TERB1: variants seen among roughly 807,000 people sequenced by gnomAD.
TERB1 encodes telomere repeat binding bouquet formation protein 1.
A neutral mutation model predicts 92.3 loss-of-function variants in TERB1; 63 were observed. That is an observed-to-expected ratio of 0.68 (90% CI 0.56 to 0.84). The LOEUF is 0.84. Ranked by LOEUF, TERB1 falls within the 40% of genes least tolerant of loss-of-function variation. The pLI is 0.00. For synonymous variants in TERB1, 252 were observed against 283.9 expected, an observed-to-expected ratio of 0.89 and a Z score of 1.13; for missense variants, 709 against 843.7, an observed-to-expected ratio of 0.84 and a Z score of 1.98.
At chr16:66,769,378 T>C (rs2018404896) in intron 14 of TERB1, among the ~76,000 whole-genome samples, 1 of 152,106 alleles carries the variant, frequency 6.6e-6, no homozygotes, top group East Asian at 1.9e-4. Context: ...AGCATCCTCT[T>C]CATTTTTCCC....
chr16:66,793,632 C>T (rs1288085424), intron 3 of TERB1, among the ~76,000 whole-genome samples: 1 of 152,222 alleles, frequency 6.6e-6, no homozygotes, highest in Non-Finnish European at 1.5e-5. Flanking sequence ...CCACCTCAGC[C>T]TCCCAAGGAG....
At position 66,766,373 on chromosome 16, in the gene TERB1, A is replaced by T. The variant is rs557450403; in HGVS notation, c.1780+1042T>A. Among the ~76,000 whole-genome samples the T allele has an allele frequency of 3.1e-4, 47 of 152,278 alleles. 1 individual carries two copies. The South Asian group carries it at 9.7e-3, about 32-fold the overall frequency. ...CTTCATCCAAGAGGGAAGAACAATG[A>T]TGTTCTGAGCCGAATATAGAGAACC... On this transcript the variant is annotated intron_variant, in intron 16 of 18. Coordinates refer to ENST00000433154, the MANE Select transcript of TERB1 (RefSeq NM_001136505.2).
intron 9 of TERB1, among the ~76,000 whole-genome samples, chr16:66,783,744 G>C (rs1274093071): frequency 6.6e-6 from 1 of 152,088 alleles, no homozygotes; most frequent in African/African-American, 2.4e-5. Flanking sequence ...TTGTTGTTTA[G>C]AAGTGGGTTC....
At chr16:66,784,530 C>T (rs1392500149) in intron 9 of TERB1, among the ~76,000 whole-genome samples, 4 of 151,798 alleles carry the variant, frequency 2.6e-5, no homozygotes, top group African/African-American at 2.4e-5. Flanking sequence ...GACAAGGTTT[C>T]GTCACATTGG....
Position 66,772,721 on chromosome 16 carries a change from T to A in TERB1, c.1140A>T (p.Glu380Asp). 1 of 1,547,636 alleles carries A rather than the reference T, an allele frequency of 6.5e-7. No individual in the cohort carries two copies. Among genetic ancestry groups the A allele is most frequent in the Non-Finnish European group, 8.7e-7 (1 of 1,144,944 alleles). Residue 380 changes from glutamate (E) to aspartate (D), a missense_variant, in exon 13 of 19, where the codon GAA becomes GAT. Coordinates refer to ENST00000433154, the MANE Select transcript of TERB1 (RefSeq NM_001136505.2). ...GTGTTTCATTTTCATCAAAAGGATA[T>A]TCTCCTAGACTTAGAGATAATTTCT... The part of the protein sequence containing the change: ...ITEKLSLSLG[E>D]YPFDENETQQ...
At chr16:66,762,481 C>T (rs908685841) in intron 16 of TERB1, among the ~76,000 whole-genome samples, 2 of 150,842 alleles carry the variant, frequency 1.3e-5, no homozygotes, top group Non-Finnish European at 3.0e-5. Context: ...ACCTCCTGGG[C>T]TCAAGTGATC....
intron 16 of TERB1, among the ~76,000 whole-genome samples, chr16:66,764,011 A>G (rs2018296376): frequency 6.6e-6 from 1 of 152,212 alleles, no homozygotes; most frequent in Non-Finnish European, 1.5e-5. Context: ...GTATGGGAGA[A>G]AAGCTGGGGA....
intron 16 of TERB1, 101 bp downstream of exon 16, chr16:66,767,301 TGCACTCCAGCCTG>T: frequency 1.6e-6 from 1 of 606,690 alleles, no homozygotes; most frequent in Non-Finnish European, 2.9e-6. Context: ...ATCGCGCCAC[TGCACTCCAGCCTG>T]GGTGACAGAG....
At chr16:66,769,941 A>G in intron 14 of TERB1, 22 bp downstream of exon 14, 4 of 1,470,602 alleles carry the variant, frequency 2.7e-6, no homozygotes, top group Non-Finnish European at 3.7e-6. Flanking sequence ...AATAAAAGTT[A>G]CACACAATTA....
chr16:66,773,840 CCTGATGTCT>C (rs1432250257), intron 12 of TERB1, among the ~76,000 whole-genome samples: 1 of 152,054 alleles, frequency 6.6e-6, no homozygotes, highest in African/African-American at 2.4e-5. Flanking sequence ...CCCTGATGTC[CCTGATGTCT>C]AGCACTCTGC....
At chr16:66,767,055 G>A (rs960277312) in intron 16 of TERB1, among the ~76,000 whole-genome samples, 17 of 152,144 alleles carry the variant, frequency 1.1e-4, no homozygotes, top group South Asian at 4.1e-4. Flanking sequence ...TACAATAAGC[G>A]TGGTGGCTCA....
intron 12 of TERB1, 112 bp downstream of exon 12, chr16:66,775,006 T>C: frequency 8.3e-7 from 1 of 1,204,390 alleles, no homozygotes; most frequent in Non-Finnish European, 1.2e-6. Context: ...CTAGTCTGCT[T>C]TTCAAATGTA....
Position 66,801,511 on chromosome 16 carries a change from C to G in TERB1, c.-153G>C, listed in dbSNP as rs958338667. 2 of 152,272 alleles carry G rather than the reference C, an allele frequency of 1.3e-5. No individual in the cohort carries two copies. The highest frequency in any genetic ancestry group is 2.9e-5 in the Non-Finnish European group (2 of 68,078). The allele number at this position is 152,272 out of a possible 1,614,324, so 9.4% of individuals were successfully genotyped here. A position where few individuals can be genotyped will look rare whatever the true frequency, so the allele number is the denominator to read the frequency against. On this transcript the variant is annotated 5_prime_UTR_variant, in exon 1 of 19. Transcript: ENST00000433154. The stretch of plus-strand genomic sequence containing the variant: ...AAGGCAGGACAACAACGCGCGGGAG[C>G]GGAGGCCGTGGCGTCTACCCTCAAG...
rs989688240 is a variant in TERB1, at chr16:66,785,783, T to C, written c.700+3A>G. 4 of 1,528,836 alleles carry C rather than the reference T, an allele frequency of 2.6e-6. No individual in the cohort carries two copies. Among genetic ancestry groups the C allele is most frequent in the Non-Finnish European group, 3.5e-6 (4 of 1,136,154 alleles). The allele number at this position is 1,528,836 out of a possible 1,614,324, so 94.7% of individuals were successfully genotyped here. A position where few individuals can be genotyped will look rare whatever the true frequency, so the allele number is the denominator to read the frequency against. On this transcript the variant is annotated splice_donor_region_variant and intron_variant, in intron 9 of 18. Coordinates refer to ENST00000433154, the MANE Select transcript of TERB1 (RefSeq NM_001136505.2). Reference sequence around the variant, plus strand: ...TATGACCTAGAAAATAACGAACACTTACTGTTATTTGCAAGAGTGAGTCCA... The same window carrying C: ...TATGACCTAGAAAATAACGAACACTCACTGTTATTTGCAAGAGTGAGTCCA...
At chr16:66,789,999 C>G (rs1427279606) in intron 5 of TERB1, among the ~76,000 whole-genome samples, 1 of 152,136 alleles carries the variant, frequency 6.6e-6, no homozygotes, top group African/African-American at 2.4e-5. Context: ...GCGTGAGCCA[C>G]CACGCCTGGC....
intron 10 of TERB1, 31 bp from the exon 11 acceptor site, chr16:66,777,365 T>C: frequency 7.0e-7 from 1 of 1,437,426 alleles, no homozygotes; most frequent in Non-Finnish European, 9.5e-7. Context: ...AAAAAGATAG[T>C]ACAAATTTAA....
rs1216000041 is a variant in TERB1, at chr16:66,778,901, A to G, written c.815T>C (p.Val272Ala). The G allele has an allele frequency of 2.9e-5, 45 of 1,525,936 alleles. No homozygotes were observed. The Admixed American group carries it at 8.8e-4, about 30-fold the overall frequency. 94.5% of individuals were successfully genotyped at this position (1,525,936 alleles called of 1,614,324 possible). A position where few individuals can be genotyped will look rare whatever the true frequency, so the allele number is the denominator to read the frequency against. The change falls in exon 10 of 19, where the codon GTT becomes GCT. Residue 272 changes from valine (V) to alanine (A), a missense_variant. Val to Ala is a moderately conservative substitution (Grantham distance 64, BLOSUM62 0). Transcript: ENST00000433154. ...ETLSSAKLAV[V>A]VTKTVDACIA... Reference sequence around the variant, plus strand: ...GCATGCATCCACAGTCTTCGTCACAACCACTGCAAGTTTAGCACTGGAAAG... The same window carrying G: ...GCATGCATCCACAGTCTTCGTCACAGCCACTGCAAGTTTAGCACTGGAAAG...
chr16:66,763,809 TA>T (rs1306054505), intron 16 of TERB1, among the ~76,000 whole-genome samples: 1 of 152,208 alleles, frequency 6.6e-6, no homozygotes, highest in Non-Finnish European at 1.5e-5. Flanking sequence ...CCATCCAGTA[TA>T]AAGTTCTCCA....
chr16:66,794,948 A>C (rs1170644903), intron 3 of TERB1, among the ~76,000 whole-genome samples: 2 of 134,364 alleles, frequency 1.5e-5, no homozygotes, highest in African/African-American at 3.4e-5. Flanking sequence ...CACACACACA[A>C]TCAAATAAAA....
Sources: allele counts gnomAD v4.1 joint callset (sites outside exome capture counted in the v4.1 genomes callset), GRCh38; gene constraint gnomAD v4.1.1; transcripts MANE v1.5; gene names NCBI Gene and HGNC (gene_info 2026-07-23, HGNC 2026-07-21).